Variants in PPP2CA observed in about 807,000 individuals in gnomAD.
The protein encoded by PPP2CA is protein phosphatase 2 catalytic subunit alpha, also known as serine/threonine-protein phosphatase 2A catalytic subunit alpha isoform.
A neutral mutation model predicts 38.8 loss-of-function variants in PPP2CA; 5 were observed. The ratio of observed to expected loss-of-function variants is 0.13; its 90% CI spans 0.07 to 0.27. PPP2CA has a LOEUF of 0.27. Ranked by LOEUF, PPP2CA falls within the 10% of genes least tolerant of loss-of-function variation. The pLI is 1.00. For synonymous variants in PPP2CA, 152 were observed against 134.0 expected, an observed-to-expected ratio of 1.13 and a Z score of -0.93; for missense variants, 88 against 389.7, an observed-to-expected ratio of 0.23 and a Z score of 6.52.
chr5:134,207,089 A>C (rs1762098571), intron 1 of PPP2CA, among the ~76,000 whole-genome samples: 1 of 152,230 alleles, frequency 6.6e-6, no homozygotes, highest in South Asian at 2.1e-4. Flanking sequence ...ATTGGTATGC[A>C]ATCTTAGCTG....
chr5:134,217,769 T>G (rs923418911), intron 1 of PPP2CA, among the ~76,000 whole-genome samples: 1 of 152,254 alleles, frequency 6.6e-6, no homozygotes, highest in Non-Finnish European at 1.5e-5. Context: ...ACTAATCATG[T>G]GTTGCTTAAT....
chr5:134,197,706 T>G lies in PPP2CA; in HGVS notation c.*66A>C. The G allele has an allele frequency of 7.7e-7, 1 of 1,294,602 alleles. No homozygotes were observed. The highest frequency in any genetic ancestry group is 1.1e-6 in the Non-Finnish European group (1 of 895,138). The allele number at this position is 1,294,602 out of a possible 1,614,324, so 80.2% of individuals were successfully genotyped here. ...TTTTCTGACACTTTGGAGTTACTGT[T>G]GCTCTTCCCATTTCCATTAGGTCGA... On this transcript the variant is annotated 3_prime_UTR_variant, in exon 7 of 7. Coordinates refer to ENST00000481195, the MANE Select transcript of PPP2CA (RefSeq NM_002715.4).
Position 134,200,968 on chromosome 5 carries a change from T to C in PPP2CA, c.576+17A>G, listed in dbSNP as rs376022189. ...TAATAAGTTTTCTGAAAGAATTTTA[T>C]CAAATAAAAGTCATACCTCATGGGG... On this transcript the variant is annotated intron_variant, in intron 4 of 6. Transcript: ENST00000481195. The C allele has an allele frequency of 2.2e-4, 343 of 1,567,286 alleles. No individual in the cohort carries two copies. In the African/African-American group the frequency reaches 3.9e-3, roughly 18 times the overall value.
chr5:134,225,219 G>T (rs1762541578), intron 1 of PPP2CA, among the ~76,000 whole-genome samples: 1 of 152,196 alleles, frequency 6.6e-6, no homozygotes, highest in Non-Finnish European at 1.5e-5. Flanking sequence ...CTTGATTTCT[G>T]GAGAAGATCG....
intron 2 of PPP2CA, among the ~76,000 whole-genome samples, chr5:134,203,329 C>T (rs1010469445): frequency 1.3e-5 from 2 of 152,178 alleles, no homozygotes; most frequent in Non-Finnish European, 2.9e-5. Context: ...TGCTTCAGCA[C>T]CATTTACTGA....
At chr5:134,220,565 A>C (rs546951029) in intron 1 of PPP2CA, among the ~76,000 whole-genome samples, 17 of 151,714 alleles carry the variant, frequency 1.1e-4, no homozygotes, top group African/African-American at 3.9e-4. Context: ...CAGCTTTCTC[A>C]GGCAAGGATG....
rs1761843374 is a variant in PPP2CA, at chr5:134,196,054, C to T, written c.*1718G>A. ...AGTGACAGAGCAACAAAAAGACACA[C>T]AGAGAATGTATTTCTTGTGAAAGAA... On this transcript the variant is annotated 3_prime_UTR_variant, in exon 7 of 7. Transcript: ENST00000481195. 1.3e-5 allele frequency: 2 copies of T among 152,138 alleles called. No individual in the cohort carries two copies. The highest frequency in any genetic ancestry group is 2.4e-5 in the African/African-American group (1 of 41,424). The allele number at this position is 152,138 out of a possible 1,614,324, so 9.4% of individuals were successfully genotyped here.
intron 4 of PPP2CA, 22 bp from the exon 5 acceptor site, chr5:134,200,518 T>C (rs777933617): frequency 1.2e-6 from 2 of 1,606,824 alleles, no homozygotes; most frequent in South Asian, 1.1e-5. Flanking sequence ...CTTCAAGTTA[T>C]AAAATGCCTT....
intron 1 of PPP2CA, 82 bp from the exon 2 acceptor site, chr5:134,206,213 A>G: frequency 8.4e-7 from 1 of 1,196,664 alleles, no homozygotes; most frequent in Non-Finnish European, 1.2e-6. Flanking sequence ...CACTTAATGT[A>G]GCTTAAGGGG....
intron 1 of PPP2CA, among the ~76,000 whole-genome samples, chr5:134,207,999 A>G (rs1418989001): frequency 6.6e-6 from 1 of 152,230 alleles, no homozygotes. Flanking sequence ...TCTGTCTGGC[A>G]TTAATACCAC....
intron 1 of PPP2CA, among the ~76,000 whole-genome samples, chr5:134,217,650 A>G (rs1397117688): frequency 1.3e-5 from 2 of 152,234 alleles, no homozygotes; most frequent in East Asian, 1.9e-4. Context: ...GTTAGTGTAC[A>G]GGGCTAGAGT....
In PPP2CA at chr5:134,222,000, G is replaced by A. The variant is rs192509139; in HGVS notation, c.102+3760C>T. Among the ~76,000 whole-genome samples the A allele has an allele frequency of 4.5e-3, 660 of 146,734 alleles. 7 individuals carry two copies. The highest frequency in any genetic ancestry group is 0.016 in the African/African-American group (637 of 40,230). ...AAAAAAAAAAAAAGTTTTATTTTAT[G>A]AAAGTGTTGACTTCCCAATTTAGCT... On this transcript the variant is annotated intron_variant, in intron 1 of 6. Transcript: ENST00000481195.
chr5:134,212,461 T>C lies in PPP2CA; in HGVS notation c.103-6330A>G, dbSNP rs775931109. Among the ~76,000 whole-genome samples the C allele has an allele frequency of 4.5e-4, 69 of 152,208 alleles. 1 individual carries two copies. The highest frequency in any genetic ancestry group is 9.0e-4 in the Non-Finnish European group (61 of 68,048). On this transcript the variant is annotated intron_variant, in intron 1 of 6. Transcript: ENST00000481195. ...ATGAACTTAATAAATGTCGTATATATTCTTACTGCTGCTGACTGGCCATTC... is the reference window on the plus strand; with the variant it reads ...ATGAACTTAATAAATGTCGTATATACTCTTACTGCTGCTGACTGGCCATTC...
At chr5:134,200,257 T>C in intron 5 of PPP2CA, 78 bp downstream of exon 5, 1 of 1,438,560 alleles carries the variant, frequency 7.0e-7, no homozygotes, top group Non-Finnish European at 9.3e-7. Context: ...ACAAATGTCA[T>C]TAATTTAAAA....
intron 5 of PPP2CA, chr5:134,199,572 A>G (rs909666608): frequency 4.8e-5 from 8 of 166,206 alleles, no homozygotes; most frequent in Non-Finnish European, 7.8e-5. Flanking sequence ...TGATTTAAGA[A>G]TAAGTATTTA....
In PPP2CA at chr5:134,195,935, C is replaced by T. The variant is rs778871728; in HGVS notation, c.*1837G>A. On this transcript the variant is annotated 3_prime_UTR_variant, in exon 7 of 7. Coordinates refer to ENST00000481195, the MANE Select transcript of PPP2CA (RefSeq NM_002715.4). ...TTGGTCAATTCTGATATCACAGGAC[C>T]GGAAAAAATAGCTGCTTGGTGTCTA... 6 of 152,114 alleles carry T rather than the reference C, an allele frequency of 3.9e-5. No individual in the cohort carries two copies. The highest frequency in any genetic ancestry group is 5.9e-5 in the Non-Finnish European group (4 of 68,036). 9.4% of individuals were successfully genotyped at this position (152,114 alleles called of 1,614,324 possible). A position where few individuals can be genotyped will look rare whatever the true frequency, so the allele number is the denominator to read the frequency against.
Position 134,200,511 on chromosome 5 carries a change from CAA to C in PPP2CA, c.577-17_577-16del, listed in dbSNP as rs754834540. ...CACATTGGACCCTAAAAAATAACTT[CAA>C]GTTATAAAATGCCTTTTACAAACAT... On this transcript the variant is annotated splice_polypyrimidine_tract_variant and intron_variant, in intron 4 of 6. Coordinates refer to ENST00000481195, the MANE Select transcript of PPP2CA (RefSeq NM_002715.4). 2 of 1,607,918 alleles carry C rather than the reference CAA, an allele frequency of 1.2e-6. No homozygotes were observed. The highest frequency in any genetic ancestry group is 1.7e-6 in the Non-Finnish European group (2 of 1,177,458).
At chr5:134,208,880 C>T (rs1173105647) in intron 1 of PPP2CA, among the ~76,000 whole-genome samples, 1 of 152,148 alleles carries the variant, frequency 6.6e-6, no homozygotes, top group Admixed American at 6.5e-5. Context: ...TAATACATAA[C>T]ATTTATTGAG....
rs1761867472 is a variant in PPP2CA, at chr5:134,197,040, T to C, written c.*732A>G. The C allele has an allele frequency of 6.5e-6, 1 of 152,682 alleles. No individual in the cohort carries two copies. Among genetic ancestry groups the C allele is most frequent in the Non-Finnish European group, 1.5e-5 (1 of 68,050 alleles). 9.5% of individuals were successfully genotyped at this position (152,682 alleles called of 1,614,324 possible). On this transcript the variant is annotated 3_prime_UTR_variant, in exon 7 of 7. Transcript: ENST00000481195. ...ATTTACTCAATTGATTTAACTTTTT[T>C]AATAAACAGCACCAGTCTTGCCCAT...
Sources: gnomAD v4.1 joint callset for allele counts (sites outside exome capture counted in the v4.1 genomes callset) on GRCh38, gnomAD v4.1.1 for gene constraint, MANE v1.5 for transcripts, NCBI Gene and HGNC (gene_info 2026-07-23, HGNC 2026-07-21) for gene names.